The following STS variants were observed in gnomAD, a reference collection of about 807,000 sequenced individuals.
The protein encoded by STS is steryl-sulfatase.
STS carries 7 observed loss-of-function variants against 26.8 expected under a neutral mutation model. That is an observed-to-expected ratio of 0.26 (90% confidence interval 0.15 to 0.49). The LOEUF is 0.49. STS is among the 20% of genes least tolerant of loss of function. The pLI is 0.98. For missense variants in STS, 434 were observed against 465.6 expected, an observed-to-expected ratio of 0.93 and a Z score of 0.63; for synonymous variants, 199 against 189.4, an observed-to-expected ratio of 1.05 and a Z score of -0.42.
At chrX:7,242,823 G>A (rs1922686594) in intron 2 of STS, among the ~76,000 whole-genome samples, 1 of 111,438 alleles carries the variant, frequency 9.0e-6, no homozygotes, top group Non-Finnish European at 1.9e-5. Flanking sequence ...AGTGGGTTTG[G>A]TACTTGTGCA....
chrX:7,252,304 C>T, intron 2 of STS: 1 of 752,561 alleles, frequency 1.3e-6, no homozygotes, highest in Non-Finnish European at 1.6e-6. Flanking sequence ...TGTTGCCTAC[C>T]ACTGCTGGTG....
intron 7 of STS, among the ~76,000 whole-genome samples, chrX:7,300,230 T>C (rs1471101018): frequency 1.8e-5 from 2 of 112,110 alleles, no homozygotes; most frequent in African/African-American, 6.5e-5. Context: ...TGAAATGGCT[T>C]ATTTTCTATA....
At chrX:7,192,046 C>T (rs113224061) in intron 2 of STS, among the ~76,000 whole-genome samples, 8 of 112,279 alleles carry the variant, frequency 7.1e-5, no homozygotes, top group African/African-American at 2.6e-4. Flanking sequence ...CACCAGGGGG[C>T]ACAATATTTG....
At chrX:7,194,444 C>T (rs770777336) in intron 2 of STS, among the ~76,000 whole-genome samples, 1 of 111,712 alleles carries the variant, frequency 9.0e-6, no homozygotes, top group South Asian at 3.7e-4. Context: ...AAGCAGGTTA[C>T]GAAGCAATGG....
intron 8 of STS, among the ~76,000 whole-genome samples, chrX:7,315,238 T>C (rs1390258039): frequency 2.7e-5 from 3 of 112,571 alleles, no homozygotes; most frequent in Admixed American, 9.4e-5. Context: ...TCTCAAATAC[T>C]GTTGATACTG....
chrX:7,199,402 A>G (rs1350431777), intron 2 of STS, among the ~76,000 whole-genome samples: 1 of 112,151 alleles, frequency 8.9e-6, no homozygotes, highest in Admixed American at 9.5e-5. Flanking sequence ...TTCTATCTCT[A>G]TTTTATTAAA....
At chrX:7,223,594 GTTAT>G (rs1921669554) in intron 2 of STS, among the ~76,000 whole-genome samples, 1 of 110,057 alleles carries the variant, frequency 9.1e-6, no homozygotes, top group African/African-American at 3.3e-5. Context: ...TTTTAATGGG[GTTAT>G]TTGTTTTTGT....
chrX:7,296,756 G>A (rs1167107311), intron 7 of STS, among the ~76,000 whole-genome samples: 1 of 112,367 alleles, frequency 8.9e-6, no homozygotes, highest in Non-Finnish European at 1.9e-5. Context: ...AGAAAATAGT[G>A]GAGTAGATCC....
rs944522800 is a variant in STS at position 7,252,615 on chromosome X, A to G, written c.-4-581A>G. Among the ~76,000 whole-genome samples, 9 of 112,013 alleles carry G rather than the reference A, an allele frequency of 8.0e-5. No individual in the cohort carries two copies. In the East Asian group the frequency reaches 2.3e-3, roughly 28 times the overall value. On this transcript the variant is annotated intron_variant, in intron 2 of 10. Transcript: ENST00000674429. Reference sequence around the variant, plus strand: ...AAGGAAGCAGGTTGCTGGAACACGTACACAGACCTCCATACAAGAAAGACA... The same window carrying G: ...AAGGAAGCAGGTTGCTGGAACACGTGCACAGACCTCCATACAAGAAAGACA...
intron 1 of STS, among the ~76,000 whole-genome samples, chrX:7,174,343 A>C (rs1933525182): frequency 9.0e-6 from 1 of 111,440 alleles, no homozygotes; most frequent in Non-Finnish European, 1.9e-5. Context: ...TTGTAGGTCT[A>C]CCCTGATTCA....
chrX:7,343,027 C>A (rs1928361976), intron 10 of STS, among the ~76,000 whole-genome samples: 1 of 110,817 alleles, frequency 9.0e-6, no homozygotes, highest in African/African-American at 3.3e-5. Context: ...GCCTAGGGTT[C>A]TTTGTGTGGG....
At chrX:7,191,876 G>T (rs1933881010) in intron 2 of STS, among the ~76,000 whole-genome samples, 1 of 112,786 alleles carries the variant, frequency 8.9e-6, no homozygotes, top group African/African-American at 3.2e-5. Context: ...CTGCCTGCAG[G>T]AAGAGCTCTT....
chrX:7,304,474 A>G (rs1193729202), intron 7 of STS, among the ~76,000 whole-genome samples: 1 of 111,532 alleles, frequency 9.0e-6, no homozygotes, highest in Admixed American at 9.6e-5. Context: ...GACTTGGAGA[A>G]TAACTCCCGG....
intron 2 of STS, among the ~76,000 whole-genome samples, chrX:7,203,501 C>G (rs1350372692): frequency 2.7e-5 from 3 of 111,719 alleles, no homozygotes; most frequent in Admixed American, 9.5e-5. Flanking sequence ...CTAGTAAAAA[C>G]TATCACATTT....
chrX:7,279,236 G>A (rs776745470), intron 7 of STS, among the ~76,000 whole-genome samples: 28 of 103,504 alleles, frequency 2.7e-4, no homozygotes, highest in Non-Finnish European at 4.9e-4. Context: ...CCTGGGAGGC[G>A]GAGGTTGCAG....
At chrX:7,258,811 T>G (rs1225344418) in intron 5 of STS, among the ~76,000 whole-genome samples, 1 of 111,033 alleles carries the variant, frequency 9.0e-6, no homozygotes, top group Non-Finnish European at 1.9e-5. Context: ...AAGTAAGGAT[T>G]CGTTTCCACT....
intron 8 of STS, among the ~76,000 whole-genome samples, chrX:7,320,907 G>A (rs1926995906): frequency 1.8e-5 from 2 of 111,814 alleles, no homozygotes; most frequent in Admixed American, 1.9e-4. Context: ...AAGTGACTGT[G>A]CATATAGAAT....
intron 2 of STS, among the ~76,000 whole-genome samples, chrX:7,205,653 T>C (rs1204430064): frequency 9.3e-6 from 1 of 107,033 alleles, no homozygotes; most frequent in African/African-American, 3.4e-5. Context: ...TTTTTTTTTT[T>C]TTTGAGACAG....
In STS at chrX:7,353,109, A is replaced by G. The variant is rs1928872129; in HGVS notation, c.*2848A>G. Reference sequence around the variant, plus strand: ...CTGCTTTCTATCGTGACTCAATTCAACAATGTGGGGAATGTTTACTACATT... The same window carrying G: ...CTGCTTTCTATCGTGACTCAATTCAGCAATGTGGGGAATGTTTACTACATT... On this transcript the variant is annotated 3_prime_UTR_variant, in exon 11 of 11. Coordinates refer to ENST00000674429, the MANE Select transcript of STS (RefSeq NM_001320752.2). 8.9e-6 allele frequency: 1 copy of G among 112,049 alleles called. No individual in the cohort carries two copies. The highest frequency in any genetic ancestry group is 3.7e-4 in the South Asian group (1 of 2,717). The allele number at this position is 112,049 out of a possible 1,213,427, so 9.2% of individuals were successfully genotyped here. A position where few individuals can be genotyped will look rare whatever the true frequency, so the allele number is the denominator to read the frequency against.
Sources: gnomAD v4.1 joint callset for allele counts (sites outside exome capture counted in the v4.1 genomes callset) on GRCh38, gnomAD v4.1.1 for gene constraint, MANE v1.5 for transcripts, NCBI Gene and HGNC (gene_info 2026-07-23, HGNC 2026-07-21) for gene names.